The following SETD7 variants were observed in gnomAD, a reference collection of about 807,000 sequenced individuals.
SETD7 encodes the protein histone-lysine N-methyltransferase SETD7.
A neutral mutation model predicts 41.8 loss-of-function variants in SETD7; 16 were observed. That is an observed-to-expected ratio of 0.38 (90% CI 0.26 to 0.58). SETD7 has a LOEUF of 0.58. SETD7 is among the 20% of genes least tolerant of loss of function. The pLI, the probability that SETD7 is intolerant of heterozygous loss-of-function variation, is 0.64. For synonymous variants in SETD7, 163 were observed against 169.7 expected (o/e 0.96, Z 0.31); for missense variants, 346 against 459.7 (o/e 0.75, Z 2.26).
chr4:139,497,053 T>C (rs796279781), intron 7 of SETD7, among the ~76,000 whole-genome samples: 2 of 152,352 alleles, frequency 1.3e-5, no homozygotes, highest in African/African-American at 4.8e-5. Context: ...TAAAGACCTG[T>C]ATGACACAGA....
intron 2 of SETD7, among the ~76,000 whole-genome samples, chr4:139,534,982 T>C (rs1727598932): frequency 6.6e-6 from 1 of 152,244 alleles, no homozygotes; most frequent in Non-Finnish European, 1.5e-5. Flanking sequence ...TTTCTTTCAG[T>C]TTTATTTGTA....
chr4:139,512,192 A>G (rs895801630), intron 7 of SETD7, among the ~76,000 whole-genome samples: 1 of 152,206 alleles, frequency 6.6e-6, no homozygotes, highest in Non-Finnish European at 1.5e-5. Context: ...ATCTGTCGTT[A>G]ATGAGAAATC....
At chr4:139,544,797 AGTGTGTGTGTGT>A (rs10581648) in intron 2 of SETD7, among the ~76,000 whole-genome samples, 1 of 144,840 alleles carries the variant, frequency 6.9e-6, no homozygotes, top group Non-Finnish European at 1.5e-5. Context: ...CCAGATTTAA[AGTGTGTGTGTGT>A]GTGTGTGTGT....
chr4:139,503,019 A>G (rs1460118898), downstream of SETD7, among the ~76,000 whole-genome samples: 1 of 151,866 alleles, frequency 6.6e-6, no homozygotes, highest in Non-Finnish European at 1.5e-5. Context: ...CTCTACCAAA[A>G]TACAAAAAAT....
exon 8 of SETD7, chr4:139,496,374 T>C: frequency 1.4e-6 from 1 of 702,282 alleles, no homozygotes. Flanking sequence ...CGAACATCAT[T>C]ATGAGCATCA....
At chr4:139,553,283 G>C (rs983770757) in intron 1 of SETD7, among the ~76,000 whole-genome samples, 11 of 152,126 alleles carry the variant, frequency 7.2e-5, no homozygotes, top group Non-Finnish European at 1.5e-4. Flanking sequence ...TTCTTCCCCA[G>C]AGTAAATCTC....
At chr4:139,494,908 C>T (rs1726425812), downstream of SETD7, among the ~76,000 whole-genome samples, 1 of 152,184 alleles carries the variant, frequency 6.6e-6, no homozygotes, top group African/African-American at 2.4e-5. Context: ...TTTTAATGAG[C>T]TGGGGAATGC....
chr4:139,538,153 C>G (rs1299893574), intron 2 of SETD7, among the ~76,000 whole-genome samples: 1 of 151,864 alleles, frequency 6.6e-6, no homozygotes, highest in Non-Finnish European at 1.5e-5. Flanking sequence ...AAGAAAAATT[C>G]CTATCTGCAG....
At chr4:139,525,349 T>C (rs912887117) in intron 4 of SETD7, among the ~76,000 whole-genome samples, 1 of 152,242 alleles carries the variant, frequency 6.6e-6, no homozygotes. Context: ...CTTCTTCTGC[T>C]GCCTTAGACA....
chr4:139,533,016 G>A, intron 3 of SETD7, 149 bp downstream of exon 3: 1 of 666,562 alleles, frequency 1.5e-6, no homozygotes, highest in South Asian at 1.8e-5. Context: ...GTAACAGTGA[G>A]AGGGCATGCC....
At chr4:139,536,473 A>C (rs1727639108) in intron 2 of SETD7, among the ~76,000 whole-genome samples, 1 of 152,102 alleles carries the variant, frequency 6.6e-6, no homozygotes, top group Non-Finnish European at 1.5e-5. Context: ...GCACTTTGGG[A>C]GGCCAAGGTA....
intron 2 of SETD7, chr4:139,546,456 T>G (rs7660323): frequency 5.0e-6 from 1 of 201,552 alleles, no homozygotes; most frequent in East Asian, 1.7e-4. Flanking sequence ...GATGCCAGAT[T>G]GTGACATCTG....
At position 139,496,522 on chromosome 4, in the gene SETD7, C is replaced by A. The variant is rs1200252426; in HGVS notation, c.921-1G>T. On this transcript the variant is annotated splice_acceptor_variant, in intron 7 of 7. Coordinates refer to the SETD7 transcript ENST00000506866. LOFTEE classifies it high-confidence loss of function. ...CGTTCCCAGGTGATTCTTCTGGCCA[C>A]TGAAATTGGAGAAGCAACTGGCTGA... 1.4e-6 allele frequency: 1 copy of A among 701,438 alleles called. No homozygotes were observed. The highest frequency in any genetic ancestry group is 2.6e-6 in the Non-Finnish European group (1 of 384,596). 43.5% of individuals were successfully genotyped at this position (701,438 alleles called of 1,614,324 possible).
chr4:139,553,234 A>G (rs1346223835), intron 1 of SETD7, among the ~76,000 whole-genome samples: 1 of 152,222 alleles, frequency 6.6e-6, no homozygotes, highest in Admixed American at 6.5e-5. Flanking sequence ...AATGCACATG[A>G]TATATAAGAC....
intron 2 of SETD7, 191 bp downstream of exon 2, chr4:139,546,729 C>T: frequency 2.8e-6 from 2 of 708,746 alleles, no homozygotes; most frequent in East Asian, 5.9e-5. Flanking sequence ...AAGAGCTAAG[C>T]CTTAGGCTGG....
chr4:139,494,385 T>G (rs1313758107), downstream of SETD7, among the ~76,000 whole-genome samples: 1 of 152,210 alleles, frequency 6.6e-6, no homozygotes, highest in African/African-American at 2.4e-5. Context: ...AACTCTGTCT[T>G]CAATATCCAG....
chr4:139,514,613 T>C (rs1302862909), intron 7 of SETD7, among the ~76,000 whole-genome samples: 2 of 152,214 alleles, frequency 1.3e-5, no homozygotes, highest in African/African-American at 4.8e-5. Flanking sequence ...TCAATGGTGA[T>C]AGCAGTGGCC....
chr4:139,534,909 T>C (rs1388236708), intron 2 of SETD7, among the ~76,000 whole-genome samples: 1 of 152,248 alleles, frequency 6.6e-6, no homozygotes, highest in Non-Finnish European at 1.5e-5. Context: ...AGATTCTAAA[T>C]AATGATAGCT....
Position 139,555,757 on chromosome 4 carries a change from C to T in SETD7, c.40+341G>A, listed in dbSNP as rs1371613156. ...CAAGGGGCTGCCCTGCGGAGTGCAC[C>T]CACCCTCCGCGCCCAAAGGCGGAAA... On this transcript the variant is annotated intron_variant, in intron 1 of 7. Coordinates refer to ENST00000274031, the MANE Select transcript of SETD7 (RefSeq NM_030648.4). This position sits in a 1 kb window ranked among gnomAD's most constrained non-coding sequence, Gnocchi z 4.0. Among the ~76,000 whole-genome samples the T allele has an allele frequency of 6.6e-6, 1 of 152,144 alleles. No individual in the cohort carries two copies. The highest frequency in any genetic ancestry group is 1.5e-5 in the Non-Finnish European group (1 of 68,000).
Sources: gnomAD v4.1 joint callset for allele counts (sites outside exome capture counted in the v4.1 genomes callset) on GRCh38, gnomAD v4.1.1 for gene constraint, Gnocchi (gnomAD v3.1) non-coding constraint, MANE v1.5 for transcripts, NCBI Gene and HGNC (gene_info 2026-07-23, HGNC 2026-07-21) for gene names.